The following SNAP25 variants were observed in gnomAD, a reference collection of about 807,000 sequenced individuals.
SNAP25 encodes synaptosomal-associated protein 25.
A neutral mutation model predicts 28.7 loss-of-function variants in SNAP25; 3 were observed. The ratio of observed to expected loss-of-function variants is 0.10; its 90% CI spans 0.05 to 0.27. SNAP25 has a LOEUF of 0.27. SNAP25 is among the 10% of genes least tolerant of loss of function. The probability of loss-of-function intolerance (pLI) is 1.00; values close to 1 mark genes in which losing one functional copy is unlikely to be tolerated. For missense variants in SNAP25, 117 were observed against 278.7 expected, an observed-to-expected ratio of 0.42 and a Z score of 4.13; for synonymous variants, 61 against 88.1, an observed-to-expected ratio of 0.69 and a Z score of 1.72.
intron 1 of SNAP25, chr20:10,219,590 G>A (rs1184333613): frequency 2.6e-5 from 4 of 152,374 alleles, no homozygotes; most frequent in East Asian, 1.9e-4. Context: ...TGGCGCGGGT[G>A]GGCTGGCTTC....
intron 1 of SNAP25, among the ~76,000 whole-genome samples, chr20:10,234,955 G>C (rs1272343515): frequency 6.6e-6 from 1 of 152,232 alleles, no homozygotes; most frequent in Non-Finnish European, 1.5e-5. Context: ...CCAGCTATTT[G>C]AGAGGCCAAG....
At chr20:10,272,711 C>G (rs945442979) in intron 1 of SNAP25, among the ~76,000 whole-genome samples, 1 of 152,184 alleles carries the variant, frequency 6.6e-6, no homozygotes, top group Admixed American at 6.5e-5. Context: ...GCAGGCTCAT[C>G]GTAAGATGCT....
intron 1 of SNAP25, among the ~76,000 whole-genome samples, chr20:10,274,142 G>T (rs2122990923): frequency 1.3e-5 from 2 of 152,240 alleles, no homozygotes; most frequent in East Asian, 1.9e-4. Context: ...ATTTGAGAAG[G>T]AAGGAGGAAG....
chr20:10,294,595 T>C (rs1347848024), intron 5 of SNAP25, among the ~76,000 whole-genome samples: 1 of 152,000 alleles, frequency 6.6e-6, no homozygotes, highest in Non-Finnish European at 1.5e-5. Flanking sequence ...ACAATAAGAG[T>C]TGATCTTCAC....
rs2064305330 is a variant in SNAP25, at chr20:10,304,339, CATGGAGATTTAGGG to C, written c.553-1789_553-1776del. On this transcript the variant is annotated intron_variant, in intron 7 of 7. Transcript: ENST00000254976. ...CAAAGTACAGTTGACCCTTGAACAA[CATGGAGATTTAGGG>C]TGTCAACCCCCATGCAGCTGAAAAT... Among the ~76,000 whole-genome samples, 4 of 152,186 alleles carry C rather than the reference CATGGAGATTTAGGG, an allele frequency of 2.6e-5. 1 individual carries two copies. The highest frequency in any genetic ancestry group is 2.0e-4 in the Admixed American group (3 of 15,276).
intron 7 of SNAP25, among the ~76,000 whole-genome samples, chr20:10,303,390 A>G (rs1173617496): frequency 2.0e-5 from 3 of 152,220 alleles, no homozygotes; most frequent in Non-Finnish European, 4.4e-5. Flanking sequence ...GATGACAGAG[A>G]ACCATTGCCA....
At chr20:10,261,107 T>C (rs2063407418) in intron 1 of SNAP25, among the ~76,000 whole-genome samples, 1 of 152,210 alleles carries the variant, frequency 6.6e-6, no homozygotes. Flanking sequence ...ATCTAGTATC[T>C]ATTCCTTGCA....
At chr20:10,291,627 A>G (rs1181231075) in intron 4 of SNAP25, among the ~76,000 whole-genome samples, 1 of 152,230 alleles carries the variant, frequency 6.6e-6, no homozygotes, top group Non-Finnish European at 1.5e-5. Flanking sequence ...AGTTTGGGTC[A>G]CTAGTGAATG....
chr20:10,274,592 C>T (rs2063653804), intron 1 of SNAP25, among the ~76,000 whole-genome samples: 1 of 152,100 alleles, frequency 6.6e-6, no homozygotes, highest in Non-Finnish European at 1.5e-5. Flanking sequence ...GCCTGTAATC[C>T]CAGCACTTTG....
chr20:10,241,664 A>G (rs1322802516), intron 1 of SNAP25, among the ~76,000 whole-genome samples: 6 of 152,160 alleles, frequency 3.9e-5, no homozygotes, highest in Non-Finnish European at 5.9e-5. Context: ...AGAACGGCCA[A>G]TCATGAGATG....
chr20:10,289,894 G>T (rs568055679), intron 4 of SNAP25, among the ~76,000 whole-genome samples: 35 of 151,876 alleles, frequency 2.3e-4, no homozygotes, highest in African/African-American at 8.2e-4. Flanking sequence ...GTCATTGGTG[G>T]ATCTATCACA....
intron 1 of SNAP25, among the ~76,000 whole-genome samples, chr20:10,252,853 C>G (rs1481738156): frequency 6.7e-6 from 1 of 149,668 alleles, no homozygotes; most frequent in African/African-American, 2.5e-5. Flanking sequence ...AAGTTTTGGC[C>G]ACTTAGTAAG....
At chr20:10,279,514 G>A (rs1895708998) in intron 3 of SNAP25, among the ~76,000 whole-genome samples, 1 of 152,180 alleles carries the variant, frequency 6.6e-6, no homozygotes, top group African/African-American at 2.4e-5. Context: ...CAAAACAAAT[G>A]AATCAGAACG....
intron 4 of SNAP25, among the ~76,000 whole-genome samples, chr20:10,286,222 A>T (rs1428778756): frequency 6.6e-6 from 1 of 152,162 alleles, no homozygotes; most frequent in East Asian, 1.9e-4. Flanking sequence ...CATGAGGTAG[A>T]TCTTTATTTA....
intron 1 of SNAP25, 186 bp downstream of exon 1, chr20:10,219,163 A>G (rs2122567592): frequency 6.6e-6 from 1 of 152,366 alleles, no homozygotes; most frequent in South Asian, 2.1e-4. Context: ...GCTGCTGGGG[A>G]AAAGGGAAAC....
At chr20:10,242,970 C>T (rs925410029) in intron 1 of SNAP25, among the ~76,000 whole-genome samples, 5 of 152,152 alleles carry the variant, frequency 3.3e-5, no homozygotes, top group African/African-American at 1.2e-4. Context: ...TCTTCCTGTC[C>T]CCTGCTCTGT....
chr20:10,234,717 G>A (rs1452175889), intron 1 of SNAP25, among the ~76,000 whole-genome samples: 2 of 152,154 alleles, frequency 1.3e-5, no homozygotes, highest in Non-Finnish European at 2.9e-5. Flanking sequence ...AGTATTTGGG[G>A]AAACACGATT....
intron 1 of SNAP25, among the ~76,000 whole-genome samples, chr20:10,259,527 A>C (rs1382489371): frequency 6.6e-6 from 1 of 150,950 alleles, no homozygotes; most frequent in Non-Finnish European, 1.5e-5. Context: ...GCTAATCAGG[A>C]CTTTTTTTAT....
intron 1 of SNAP25, among the ~76,000 whole-genome samples, chr20:10,249,957 T>G (rs1027510441): frequency 6.6e-6 from 1 of 152,150 alleles, no homozygotes; most frequent in Non-Finnish European, 1.5e-5. Context: ...CATAAATTCC[T>G]GGGCCACACC....
Sources: allele counts gnomAD v4.1 joint callset (sites outside exome capture counted in the v4.1 genomes callset), GRCh38; gene constraint gnomAD v4.1.1; transcripts MANE v1.5; gene names NCBI Gene and HGNC (gene_info 2026-07-23, HGNC 2026-07-21).